Variants in LAMA1 observed in about 807,000 individuals in gnomAD.
LAMA1 encodes laminin subunit alpha-1.
Under a neutral mutation model 348.7 loss-of-function variants are expected in LAMA1, and 219 were observed. The observed-to-expected ratio is 0.63, with a 90% confidence interval of 0.56 to 0.70. The LOEUF (loss-of-function observed/expected upper bound fraction) is 0.70. Ranked by LOEUF, LAMA1 falls within the 30% of genes least tolerant of loss-of-function variation. The pLI is 0.00. For synonymous variants in LAMA1, 1,487 were observed against 1,491.0 expected (o/e 1.00, Z 0.06); for missense variants, 3,744 against 3,888.0 (o/e 0.96, Z 0.99).
intron 34 of LAMA1, among the ~76,000 whole-genome samples, chr18:6,994,709 C>T (rs376518239): frequency 3.6e-4 from 35 of 96,116 alleles, no homozygotes; most frequent in African/African-American, 1.0e-3. Context: ...ATACAAAATT[C>T]ATAAATGAAA....
In LAMA1 at chr18:7,008,597, A is replaced by G. The variant is rs957449610; in HGVS notation, c.4013T>C (p.Ile1338Thr). The change falls in exon 28 of 63, where the codon ATT becomes ACT. Residue 1338 changes from isoleucine to threonine, a missense_variant. This residue lies in a region of LAMA1 where 1,983 missense variants were observed against 1,934.3 expected (regional missense o/e 1.03). Transcript: ENST00000389658. ...AGCCTTTCTGCCAACCTCCATTGAA[A>G]TGTCTGAGATTCTGTGCAGCCATCA... Reference protein sequence around the residue: ...QGLQQSRISDISMEVGRKAEK... With the variant: ...QGLQQSRISDTSMEVGRKAEK... 3 of 1,613,970 alleles carry G rather than the reference A, an allele frequency of 1.9e-6. No individual in the cohort carries two copies. Among genetic ancestry groups the G allele is most frequent in the Middle Eastern group, 1.6e-4 (1 of 6,062 alleles).
intron 19 of LAMA1, among the ~76,000 whole-genome samples, chr18:7,022,471 C>T (rs1598284625): frequency 6.6e-6 from 1 of 152,188 alleles, no homozygotes; most frequent in African/African-American, 2.4e-5. Context: ...GTTTTCTGTA[C>T]AGCTGGTGCC....
intron 16 of LAMA1, among the ~76,000 whole-genome samples, chr18:7,029,943 AG>A (rs1489125140): frequency 5.9e-5 from 9 of 151,974 alleles, no homozygotes. Context: ...ACTACACAAA[AG>A]GAAGAATTCA....
At chr18:7,042,502 C>T (rs2058024933) in intron 8 of LAMA1, 6 of 421,018 alleles carry the variant, frequency 1.4e-5, no homozygotes, top group Non-Finnish European at 2.2e-5. Context: ...GCTCTCCAGC[C>T]CCCCTCGCGC....
In LAMA1 at chr18:6,942,053, T is replaced by G; in HGVS notation, c.*26A>C. On this transcript the variant is annotated 3_prime_UTR_variant, in exon 63 of 63. Transcript: ENST00000389658. The stretch of plus-strand genomic sequence containing the variant: ...CTTCTCCTCAAAATATTAGCAATGA[T>G]TCCAACTGAGGATTCTGCTTGAAGT... 6.2e-7 allele frequency: 1 copy of G among 1,613,608 alleles called. No homozygotes were observed.
intron 57 of LAMA1, among the ~76,000 whole-genome samples, chr18:6,951,315 G>T (rs1221781013): frequency 6.6e-6 from 1 of 152,208 alleles, no homozygotes; most frequent in African/African-American, 2.4e-5. Context: ...CTGCAAAGCT[G>T]ATATCTCAGC....
intron 48 of LAMA1, among the ~76,000 whole-genome samples, chr18:6,969,342 T>C (rs1185716850): frequency 6.6e-6 from 1 of 152,104 alleles, no homozygotes; most frequent in Non-Finnish European, 1.5e-5. Flanking sequence ...AGAGGTACCT[T>C]TTCAGAAAGG....
intron 23 of LAMA1, among the ~76,000 whole-genome samples, chr18:7,013,613 A>T (rs1474755488): frequency 6.6e-6 from 1 of 152,182 alleles, no homozygotes; most frequent in Non-Finnish European, 1.5e-5. Flanking sequence ...ATCAACTGAC[A>T]CTAGTAACAG....
At chr18:6,959,646 T>C in intron 53 of LAMA1, 154 bp from the exon 54 acceptor site, 1 of 768,742 alleles carries the variant, frequency 1.3e-6, no homozygotes, top group Non-Finnish European at 2.2e-6. Context: ...TTACATTTTG[T>C]ATGTTACTTT....
At chr18:6,964,303 G>A (rs1222369780) in intron 51 of LAMA1, among the ~76,000 whole-genome samples, 3 of 152,182 alleles carry the variant, frequency 2.0e-5, no homozygotes. Context: ...GTGTGAATGT[G>A]GCCTTCATTT....
chr18:6,978,099 T>G, intron 43 of LAMA1, 97 bp downstream of exon 43: 1 of 1,506,766 alleles, frequency 6.6e-7, no homozygotes. Context: ...CTTCTACTTT[T>G]CAGGAATGTT....
intron 9 of LAMA1, 98 bp downstream of exon 9, chr18:7,042,047 A>G: frequency 2.4e-6 from 2 of 833,448 alleles, no homozygotes; most frequent in Non-Finnish European, 4.0e-6. Flanking sequence ...ATCAATAATC[A>G]TGTTACCAAC....
Position 7,093,155 on chromosome 18 carries a change from G to A in LAMA1, c.62-12698C>T, listed in dbSNP as rs369759762. On this transcript the variant is annotated intron_variant, in intron 1 of 62. Coordinates refer to ENST00000389658, the MANE Select transcript of LAMA1 (RefSeq NM_005559.4). ...CAAATGGCGGGGCACAGTGGCTCACGCCTGTAATCCCAGCACTTTGGGAGG... is the reference window on the plus strand; with the variant it reads ...CAAATGGCGGGGCACAGTGGCTCACACCTGTAATCCCAGCACTTTGGGAGG... Among the ~76,000 whole-genome samples the A allele has an allele frequency of 2.0e-3, 306 of 152,286 alleles. 2 individuals are homozygous for A. Among genetic ancestry groups the A allele is most frequent in the Middle Eastern group, 0.01 (3 of 294 alleles).
chr18:6,988,295 G>A (rs921195219), intron 36 of LAMA1, among the ~76,000 whole-genome samples: 3 of 152,166 alleles, frequency 2.0e-5, no homozygotes, highest in Non-Finnish European at 2.9e-5. Context: ...AGAGGAAACT[G>A]GTGTTTCTCA....
At chr18:7,111,873 C>T (rs7240439) in intron 1 of LAMA1, among the ~76,000 whole-genome samples, 14,251 of 152,066 alleles carry the variant, frequency 0.094, 1,643 homozygotes, top group African/African-American at 0.28. Flanking sequence ...CAGTCGCTAT[C>T]AATTAATTTC....
chr18:6,944,158 G>T (rs180861778), intron 61 of LAMA1, among the ~76,000 whole-genome samples: 1 of 152,212 alleles, frequency 6.6e-6, no homozygotes, highest in East Asian at 2.0e-4. Flanking sequence ...TGGGATTACA[G>T]GCATCCACCA....
chr18:7,097,540 CAA>C (rs1568066970), intron 1 of LAMA1, among the ~76,000 whole-genome samples: 2 of 129,056 alleles, frequency 1.5e-5, no homozygotes, highest in South Asian at 4.9e-4. Context: ...CAAGCTGATA[CAA>C]TTGGAAATAC....
intron 51 of LAMA1, 57 bp from the exon 52 acceptor site, chr18:6,962,116 G>T (rs1568009036): frequency 1.6e-6 from 2 of 1,238,842 alleles, no homozygotes; most frequent in Admixed American, 1.7e-5. Flanking sequence ...TTCCATTTTT[G>T]AAAGAAGGAA....
chr18:7,057,971 A>AT (rs201911755), intron 3 of LAMA1, among the ~76,000 whole-genome samples: 4,738 of 140,268 alleles, frequency 0.034, 181 homozygotes, highest in East Asian at 0.2. Flanking sequence ...ATTTTTTTTA[A>AT]TTTTTTTTTT....
Sources: allele counts gnomAD v4.1 joint callset (sites outside exome capture counted in the v4.1 genomes callset), GRCh38; gene constraint gnomAD v4.1.1; regional missense constraint gnomAD v4.1.1; transcripts MANE v1.5; gene names NCBI Gene and HGNC (gene_info 2026-07-23, HGNC 2026-07-21).